The following RDX variants were observed in gnomAD, a reference collection of about 807,000 sequenced individuals.
RDX encodes radixin, also known as deafness, autosomal recessive 24.
A neutral mutation model predicts 83.7 loss-of-function variants in RDX; 32 were observed. The observed-to-expected ratio is 0.38, with a 90% CI of 0.29 to 0.51. The LOEUF is 0.51. Ranked by LOEUF, RDX falls within the 20% of genes least tolerant of loss-of-function variation. The probability of loss-of-function intolerance (pLI) is 0.87; values close to 1 mark genes in which losing one functional copy is unlikely to be tolerated. For synonymous variants in RDX, 229 were observed against 222.7 expected, an observed-to-expected ratio of 1.03 and a Z score of -0.25; for missense variants, 600 against 689.9, an observed-to-expected ratio of 0.87 and a Z score of 1.46.
rs562039959 is a variant in RDX at position 110,176,285 on chromosome 11, A to T, written c.*32-1051T>A. Among the ~76,000 whole-genome samples the T allele has an allele frequency of 6.6e-5, 10 of 152,158 alleles. No homozygotes were observed. In the East Asian group the frequency reaches 1.7e-3, roughly 26 times the overall value. ...CACCATGTTGGCCAGGCTAGTCTCA[A>T]ACTCCTGACCTCAAGTGATCTGCCT... On this transcript the variant is annotated intron_variant, in intron 15 of 15. Coordinates refer to the RDX transcript ENST00000528498.
At chr11:110,208,035 GGTCT>G (rs1863671374) in intron 14 of RDX, among the ~76,000 whole-genome samples, 2 of 150,786 alleles carry the variant, frequency 1.3e-5, no homozygotes, top group Admixed American at 1.3e-4. Context: ...TGCCCAGGCT[GGTCT>G]CAAACTCCTG....
chr11:110,183,108 A>G (rs923199353), intron 15 of RDX, among the ~76,000 whole-genome samples: 2 of 152,158 alleles, frequency 1.3e-5, no homozygotes, highest in African/African-American at 4.8e-5. Context: ...AATGTGGGTT[A>G]CCCGCACCTT....
intron 10 of RDX, among the ~76,000 whole-genome samples, chr11:110,239,980 C>A (rs550247342): frequency 6.6e-6 from 1 of 152,118 alleles, no homozygotes; most frequent in South Asian, 2.1e-4. Context: ...ACTAAAACTA[C>A]GGAATTACCA....
downstream of RDX, among the ~76,000 whole-genome samples, chr11:110,229,046 T>A (rs1864526119): frequency 6.6e-6 from 1 of 151,936 alleles, no homozygotes; most frequent in African/African-American, 2.4e-5. Context: ...TAATACAGCT[T>A]CAAAATAAGA....
intron 1 of RDX, among the ~76,000 whole-genome samples, chr11:110,285,692 G>A (rs958157878): frequency 2.2e-4 from 25 of 115,836 alleles, no homozygotes; most frequent in African/African-American, 7.6e-4. Context: ...CAGCCTGGGC[G>A]ACAGAGTGAG....
In RDX at chr11:110,178,165, A is replaced by G. The variant is rs199819025; in HGVS notation, c.*32-2931T>C. Among the ~76,000 whole-genome samples the G allele has an allele frequency of 6.6e-5, 10 of 152,238 alleles. No individual in the cohort carries two copies. In the East Asian group the frequency reaches 1.9e-3, roughly 29 times the overall value. On this transcript the variant is annotated intron_variant, in intron 15 of 15. Coordinates refer to the RDX transcript ENST00000528498. Reference sequence around the variant, plus strand: ...GGATAACCTCCATCTCTGCTTCACCAGCAAAGACAAAATCCACAGCTCCAC... The same window carrying G: ...GGATAACCTCCATCTCTGCTTCACCGGCAAAGACAAAATCCACAGCTCCAC...
At chr11:110,180,020 G>A (rs559301116) in intron 15 of RDX, 1 of 322,100 alleles carries the variant, frequency 3.1e-6, no homozygotes, top group East Asian at 8.1e-5. Flanking sequence ...TCCTGCCTCA[G>A]CCTCCTGAGT....
intron 15 of RDX, chr11:110,185,665 G>A (rs1310711500): frequency 6.6e-6 from 1 of 152,264 alleles, no homozygotes; most frequent in Non-Finnish European, 1.5e-5. Flanking sequence ...CCGTGAAGCT[G>A]TCAGACCACC....
intron 14 of RDX, among the ~76,000 whole-genome samples, chr11:110,221,601 A>AACACACAC (rs60766252): frequency 0.048 from 6,432 of 133,462 alleles, 245 homozygotes; most frequent in African/African-American, 0.091. Context: ...CTGTCTCCAA[A>AACACACAC]ACACACACAC....
chr11:110,191,316 A>C (rs1863099299), intron 15 of RDX, among the ~76,000 whole-genome samples: 1 of 152,260 alleles, frequency 6.6e-6, no homozygotes, highest in Non-Finnish European at 1.5e-5. Flanking sequence ...CAGAAATAAA[A>C]ACAAAAATGA....
At chr11:110,200,887 C>T (rs533061191) in intron 14 of RDX, among the ~76,000 whole-genome samples, 13 of 152,214 alleles carry the variant, frequency 8.5e-5, no homozygotes, top group African/African-American at 2.4e-4. Flanking sequence ...GTCTGGCTGG[C>T]ACTTTATTGT....
intron 5 of RDX, among the ~76,000 whole-genome samples, chr11:110,261,061 A>C (rs1859784716): frequency 6.6e-6 from 1 of 152,106 alleles, no homozygotes; most frequent in South Asian, 2.1e-4. Context: ...GATCTCTTTC[A>C]TTCTCATGGT....
At chr11:110,283,570 C>A (rs1224591084) in intron 1 of RDX, among the ~76,000 whole-genome samples, 1 of 151,908 alleles carries the variant, frequency 6.6e-6, no homozygotes, top group Admixed American at 6.6e-5. Context: ...ATATTTTTTT[C>A]AAAAAGAAAG....
chr11:110,191,726 T>G (rs1480463741), intron 15 of RDX, among the ~76,000 whole-genome samples: 1 of 152,090 alleles, frequency 6.6e-6, no homozygotes. Context: ...TGTGGTGCTG[T>G]GTGCCTGTAG....
chr11:110,238,699 G>A (rs1194041703), intron 10 of RDX, among the ~76,000 whole-genome samples: 3 of 151,660 alleles, frequency 2.0e-5, no homozygotes, highest in African/African-American at 7.3e-5. Flanking sequence ...TGAGGTGGGT[G>A]GATCATTTGA....
At chr11:110,196,108 T>C (rs1187027068) in intron 15 of RDX, 1 of 152,152 alleles carries the variant, frequency 6.6e-6, no homozygotes, top group East Asian at 1.9e-4. Context: ...GATATACACA[T>C]TCAGAACACC....
chr11:110,269,378 A>C (rs1049325803), intron 3 of RDX, among the ~76,000 whole-genome samples: 7 of 152,202 alleles, frequency 4.6e-5, no homozygotes, highest in Non-Finnish European at 7.3e-5. Context: ...AAGCAGCTAA[A>C]GGAGAAGGCT....
intron 2 of RDX, among the ~76,000 whole-genome samples, chr11:110,274,181 C>A (rs566019290): frequency 3.9e-5 from 6 of 152,218 alleles, no homozygotes; most frequent in African/African-American, 1.4e-4. Context: ...TACAAAACAT[C>A]TATCATATAT....
Position 110,202,587 on chromosome 11 carries a change from TTTTC to T in RDX, c.1749-2913_1749-2910del, listed in dbSNP as rs1160732871. ...GTGTGCTTCACTACACCTGGCTAAT[TTTTC>T]TTTCTTTTTTTTTTTTTTTTTTGGT... On this transcript the variant is annotated intron_variant, in intron 14 of 15. Transcript: ENST00000528498. Among the ~76,000 whole-genome samples the T allele has an allele frequency of 3.4e-3, 515 of 151,084 alleles. 2 individuals carry two copies. Among genetic ancestry groups the T allele is most frequent in the African/African-American group, 0.011 (453 of 40,950 alleles).
Sources: allele counts gnomAD v4.1 joint callset (sites outside exome capture counted in the v4.1 genomes callset), GRCh38; gene constraint gnomAD v4.1.1; transcripts MANE v1.5; gene names NCBI Gene and HGNC (gene_info 2026-07-23, HGNC 2026-07-21).